PPM1D: variants seen among roughly 807,000 people sequenced by gnomAD.
PPM1D encodes the protein protein phosphatase 1D.
A neutral mutation model predicts 58.3 loss-of-function variants in PPM1D; 52 were observed. That is an observed-to-expected ratio of 0.89 (90% CI 0.71 to 1.12). The LOEUF (loss-of-function observed/expected upper bound fraction) is 1.12, where lower values mean the gene tolerates loss of function less well. Ranked by LOEUF, PPM1D falls within the 50% of genes most tolerant of loss-of-function variation. The probability of loss-of-function intolerance (pLI) is 0.00; values close to 1 mark genes in which losing one functional copy is unlikely to be tolerated. For missense variants in PPM1D, 564 were observed against 777.2 expected (o/e 0.73, Z 3.26); for synonymous variants, 278 against 285.1 (o/e 0.98, Z 0.25).
chr17:60,614,274 A>T (rs1334766563), intron 1 of PPM1D, among the ~76,000 whole-genome samples: 1 of 152,110 alleles, frequency 6.6e-6, no homozygotes, highest in Non-Finnish European at 1.5e-5. Flanking sequence ...TCTGGTGGGG[A>T]CTTGGAGAAT....
At chr17:60,659,771 T>A (rs1402541088) in intron 5 of PPM1D, among the ~76,000 whole-genome samples, 1 of 152,172 alleles carries the variant, frequency 6.6e-6, no homozygotes, top group Non-Finnish European at 1.5e-5. Context: ...TAACCTGGGG[T>A]ACATCTAAGA....
intron 3 of PPM1D, among the ~76,000 whole-genome samples, chr17:60,640,688 T>C (rs1267926200): frequency 3.3e-5 from 5 of 152,146 alleles, no homozygotes. Flanking sequence ...TCTTCCTCCT[T>C]CTCTCCCTTC....
At chr17:60,636,634 G>A (rs939285485) in intron 3 of PPM1D, among the ~76,000 whole-genome samples, 3 of 152,148 alleles carry the variant, frequency 2.0e-5, no homozygotes, top group Non-Finnish European at 4.4e-5. Context: ...ACCTGTGAGT[G>A]TCTGGGGCCA....
intron 5 of PPM1D, 100 bp from the exon 6 acceptor site, chr17:60,662,895 C>T (rs766493282): frequency 1.1e-5 from 13 of 1,154,882 alleles, no homozygotes; most frequent in Non-Finnish European, 1.5e-5. Context: ...CCCGTTTTTG[C>T]CATCCTACTA....
chr17:60,652,550 GTTTTTT>G (rs776162517), intron 4 of PPM1D, among the ~76,000 whole-genome samples: 4 of 67,632 alleles, frequency 5.9e-5, no homozygotes, highest in Admixed American at 3.9e-4. Context: ...GTTTACTTCT[GTTTTTT>G]TTTTTTTTTT....
In PPM1D at chr17:60,656,447, T is replaced by C. The variant is rs991940509; in HGVS notation, c.1018-152T>C. 6 of 1,023,604 alleles carry C rather than the reference T, an allele frequency of 5.9e-6. No individual in the cohort carries two copies. The African/African-American group carries it at 1.0e-4, about 17-fold the overall frequency. 63.4% of individuals were successfully genotyped at this position (1,023,604 alleles called of 1,614,324 possible). A position where few individuals can be genotyped will look rare whatever the true frequency, so the allele number is the denominator to read the frequency against. On this transcript the variant is annotated intron_variant, in intron 4 of 5. Coordinates refer to ENST00000305921, the MANE Select transcript of PPM1D (RefSeq NM_003620.4). The stretch of plus-strand genomic sequence containing the variant: ...CAGCCTGGGTGACAGAGGAAGACTC[T>C]GTCTCAAAAAAAAAAAAAGAGAAAA...
chr17:60,657,444 T>A (rs1403243362), intron 5 of PPM1D, among the ~76,000 whole-genome samples: 1 of 152,226 alleles, frequency 6.6e-6, no homozygotes, highest in Non-Finnish European at 1.5e-5. Flanking sequence ...CATCCTAATT[T>A]TTCCCACCAA....
intron 3 of PPM1D, among the ~76,000 whole-genome samples, chr17:60,643,755 C>T (rs1276956240): frequency 6.6e-6 from 1 of 152,104 alleles, no homozygotes. Flanking sequence ...GACATGACAT[C>T]AGCAATGTAG....
At chr17:60,650,979 G>A (rs886408432) in intron 4 of PPM1D, among the ~76,000 whole-genome samples, 1 of 152,120 alleles carries the variant, frequency 6.6e-6, no homozygotes, top group Non-Finnish European at 1.5e-5. Context: ...AAAAACTTGG[G>A]AGGGAAGCGT....
intron 2 of PPM1D, among the ~76,000 whole-genome samples, chr17:60,631,941 G>A (rs1238869776): frequency 1.3e-5 from 2 of 152,100 alleles, no homozygotes; most frequent in Non-Finnish European, 2.9e-5. Context: ...CACTTTGGGA[G>A]GCCGAGGTGG....
intron 1 of PPM1D, among the ~76,000 whole-genome samples, chr17:60,620,997 A>G (rs1275265642): frequency 6.6e-6 from 1 of 151,682 alleles, no homozygotes; most frequent in Admixed American, 6.6e-5. Flanking sequence ...ATCTTGGCTC[A>G]CTGCAACCTC....
chr17:60,602,807 T>C (rs1487569971), intron 1 of PPM1D, among the ~76,000 whole-genome samples: 2 of 144,148 alleles, frequency 1.4e-5, no homozygotes, highest in East Asian at 4.3e-4. Flanking sequence ...AAAAGTATGC[T>C]AATTATTTTG....
chr17:60,651,157 A>G (rs1356711598), intron 4 of PPM1D, among the ~76,000 whole-genome samples: 1 of 152,146 alleles, frequency 6.6e-6, no homozygotes, highest in Non-Finnish European at 1.5e-5. Context: ...AATGGTTTAT[A>G]TAATTGTTTT....
Position 60,656,999 on chromosome 17 carries a change from A to T in PPM1D, c.1260+158A>T, listed in dbSNP as rs543876190. On this transcript the variant is annotated intron_variant, in intron 5 of 5. Coordinates refer to ENST00000305921, the MANE Select transcript of PPM1D (RefSeq NM_003620.4). ...TTATCAGAGAGCCATCTTTACATCA[A>T]TACTAATCTGAATGCCAGCCATGTG... 63 of 1,550,430 alleles carry T rather than the reference A, an allele frequency of 4.1e-5. No individual in the cohort carries two copies. The Middle Eastern group carries it at 6.7e-4, about 17-fold the overall frequency.
Position 60,663,551 on chromosome 17 carries a change from GAA to G in PPM1D, c.*1_*2del, listed in dbSNP as rs771758954. The G allele has an allele frequency of 1.9e-6, 3 of 1,603,078 alleles. No individual in the cohort carries two copies. Among genetic ancestry groups the G allele is most frequent in the African/African-American group, 2.7e-5 (2 of 74,834 alleles). Reference sequence around the variant, plus strand: ...CACAGGAAAACTGTTTGTGTTTGCTGAAATGCATCTGGGAAATGAGGTTTTTC... The same window carrying G: ...CACAGGAAAACTGTTTGTGTTTGCTGATGCATCTGGGAAATGAGGTTTTTC... On this transcript the variant is annotated stop_retained_variant and 3_prime_UTR_variant, in exon 6 of 6. Coordinates refer to ENST00000305921, the MANE Select transcript of PPM1D (RefSeq NM_003620.4).
At chr17:60,656,465 A>AT in intron 4 of PPM1D, 134 bp from the exon 5 acceptor site, 4 of 1,180,372 alleles carry the variant, frequency 3.4e-6, no homozygotes, top group Non-Finnish European at 4.6e-6. Flanking sequence ...AAAAAAAAAA[A>AT]GAGAAAAGAA....
Position 60,663,064 on chromosome 17 carries a change from GCCTT to G in PPM1D, c.1332_1335del (p.Phe445GlnfsTer5). 6.2e-7 allele frequency: 1 copy of G among 1,614,164 alleles called. No homozygotes were observed. The highest frequency in any genetic ancestry group is 8.5e-7 in the Non-Finnish European group (1 of 1,180,008). On this transcript the variant is annotated frameshift_variant, in exon 6 of 6. Transcript: ENST00000305921. LOFTEE classifies it high-confidence loss of function. ...TATACCTGCCCTGGTTCGTAGCAATGCCTTCTCAGAGAATTTTTTAGAGGTTTCA... is the reference window on the plus strand; with the variant it reads ...TATACCTGCCCTGGTTCGTAGCAATGCTCAGAGAATTTTTTAGAGGTTTCA...
chr17:60,657,112 A>G, intron 5 of PPM1D: 1 of 1,281,866 alleles, frequency 7.8e-7, no homozygotes, highest in Non-Finnish European at 1.0e-6. Context: ...TAAAGCATTT[A>G]GAAGTTTGTG....
chr17:60,648,229 TA>T, intron 4 of PPM1D, 147 bp downstream of exon 4: 2 of 738,608 alleles, frequency 2.7e-6, no homozygotes, highest in Non-Finnish European at 4.2e-6. Context: ...ATAGGCTTTG[TA>T]GCTCCTAATC....
Sources: allele counts gnomAD v4.1 joint callset (sites outside exome capture counted in the v4.1 genomes callset), GRCh38; gene constraint gnomAD v4.1.1; transcripts MANE v1.5; gene names NCBI Gene and HGNC (gene_info 2026-07-23, HGNC 2026-07-21).